NCAM2: variants seen among roughly 807,000 people sequenced by gnomAD.
The protein encoded by NCAM2 is neural cell adhesion molecule 2.
NCAM2 carries 30 observed loss-of-function variants against 98.1 expected under a neutral mutation model. That is an observed-to-expected ratio of 0.31 (90% CI 0.23 to 0.41). NCAM2 has a LOEUF of 0.41. NCAM2 is among the 10% of genes least tolerant of loss of function. The pLI, the probability that NCAM2 is intolerant of heterozygous loss-of-function variation, is 1.00. For missense variants in NCAM2, 867 were observed against 1,005.8 expected (o/e 0.86, Z 1.87); for synonymous variants, 368 against 342.4 (o/e 1.07, Z -0.83).
chr21:21,502,173 A>G (rs1045533684), intron 15 of NCAM2, among the ~76,000 whole-genome samples: 3 of 151,906 alleles, frequency 2.0e-5, no homozygotes, highest in African/African-American at 7.2e-5. Context: ...ACTTTAGACT[A>G]TACTCATGCC....
chr21:21,287,017 G>GAA (rs989821284), intron 4 of NCAM2, among the ~76,000 whole-genome samples: 4 of 151,810 alleles, frequency 2.6e-5, no homozygotes, highest in African/African-American at 9.7e-5. Flanking sequence ...ATAGATAATA[G>GAA]AAAAGTACTT....
At chr21:21,186,709 A>G (rs1256994413) in intron 1 of NCAM2, among the ~76,000 whole-genome samples, 1 of 152,132 alleles carries the variant, frequency 6.6e-6, no homozygotes, top group Admixed American at 6.5e-5. Context: ...ATTTTCTACA[A>G]TTTTTATTCC....
chr21:21,309,909 A>T (rs2073993325), intron 5 of NCAM2, among the ~76,000 whole-genome samples: 1 of 152,210 alleles, frequency 6.6e-6, no homozygotes, highest in South Asian at 2.1e-4. Flanking sequence ...CTTGAAAAAC[A>T]GTTGTTTTAT....
At chr21:21,144,526 T>TA (rs894411607) in intron 1 of NCAM2, among the ~76,000 whole-genome samples, 2 of 152,092 alleles carry the variant, frequency 1.3e-5, no homozygotes. Context: ...ATGGTGATCA[T>TA]AGATCAGAAG....
intron 9 of NCAM2, among the ~76,000 whole-genome samples, chr21:21,393,088 A>G (rs1004379389): frequency 3.9e-5 from 6 of 152,050 alleles, no homozygotes; most frequent in Non-Finnish European, 8.8e-5. Flanking sequence ...GGATTTACAT[A>G]TAAGTCTTTC....
intron 1 of NCAM2, among the ~76,000 whole-genome samples, chr21:21,271,263 A>G (rs2072486820): frequency 6.6e-6 from 1 of 152,168 alleles, no homozygotes; most frequent in Non-Finnish European, 1.5e-5. Context: ...TTTAGCATGT[A>G]TTTTCTTCCA....
At chr21:21,248,294 TTTTC>T (rs1343542758) in intron 1 of NCAM2, among the ~76,000 whole-genome samples, 20 of 152,154 alleles carry the variant, frequency 1.3e-4, no homozygotes, top group Admixed American at 5.9e-4. Flanking sequence ...TCCAATCTAC[TTTTC>T]TTTCTATTTA....
chr21:21,267,622 C>T (rs1440528908), intron 1 of NCAM2, among the ~76,000 whole-genome samples: 1 of 152,054 alleles, frequency 6.6e-6, no homozygotes, highest in East Asian at 1.9e-4. Flanking sequence ...AATCTCCACT[C>T]AGAGGTGTAC....
At chr21:21,455,415 C>T (rs1410144347) in intron 12 of NCAM2, among the ~76,000 whole-genome samples, 1 of 151,224 alleles carries the variant, frequency 6.6e-6, no homozygotes, top group Non-Finnish European at 1.5e-5. Flanking sequence ...GATTTTTTTT[C>T]CTTTTAATTT....
intron 5 of NCAM2, among the ~76,000 whole-genome samples, chr21:21,300,809 T>C (rs528259388): frequency 3.4e-4 from 51 of 152,036 alleles, no homozygotes; most frequent in Non-Finnish European, 5.6e-4. Context: ...TCCCTTTAGA[T>C]TATATAATCC....
chr21:21,434,256 GA>G (rs1217538935), intron 12 of NCAM2, among the ~76,000 whole-genome samples: 1 of 152,182 alleles, frequency 6.6e-6, no homozygotes, highest in Non-Finnish European at 1.5e-5. Context: ...GGTATATTAT[GA>G]AGATACAAAA....
At chr21:21,027,982 A>G (rs905813759) in intron 1 of NCAM2, among the ~76,000 whole-genome samples, 1 of 150,800 alleles carries the variant, frequency 6.6e-6, no homozygotes, top group Non-Finnish European at 1.5e-5. Flanking sequence ...TCAGCCTCCC[A>G]AGTCCTGAGC....
chr21:21,521,085 G>C (rs933800409), intron 16 of NCAM2, among the ~76,000 whole-genome samples: 3 of 152,092 alleles, frequency 2.0e-5, no homozygotes, highest in Non-Finnish European at 2.9e-5. Context: ...CCTAACATGG[G>C]GTTTTTAACA....
At chr21:21,254,560 A>G (rs1027945462) in intron 1 of NCAM2, among the ~76,000 whole-genome samples, 1 of 152,198 alleles carries the variant, frequency 6.6e-6, no homozygotes, top group Non-Finnish European at 1.5e-5. Flanking sequence ...TTATTTTGAA[A>G]AAAGGTGAAC....
intron 1 of NCAM2, among the ~76,000 whole-genome samples, chr21:21,070,890 T>A (rs2065548299): frequency 6.6e-6 from 1 of 152,186 alleles, no homozygotes; most frequent in Admixed American, 6.5e-5. Context: ...AGTTAGATAT[T>A]ACATTTGAAG....
chr21:21,375,108 A>C (rs1373706890), intron 9 of NCAM2, among the ~76,000 whole-genome samples: 1 of 151,564 alleles, frequency 6.6e-6, no homozygotes, highest in Non-Finnish European at 1.5e-5. Context: ...GCACATGTAT[A>C]CATATGTAAC....
chr21:21,026,840 T>C (rs1365820451), intron 1 of NCAM2, among the ~76,000 whole-genome samples: 2 of 151,064 alleles, frequency 1.3e-5, no homozygotes, highest in Non-Finnish European at 1.5e-5. Context: ...GCAAATGTTT[T>C]CTTTTCTTCT....
At chr21:21,042,082 G>A (rs565839716) in intron 1 of NCAM2, among the ~76,000 whole-genome samples, 1 of 152,204 alleles carries the variant, frequency 6.6e-6, no homozygotes, top group Middle Eastern at 3.4e-3. Context: ...CAAAGGCAGG[G>A]ATTATACTAT....
intron 1 of NCAM2, among the ~76,000 whole-genome samples, chr21:21,042,895 G>C (rs533333556): frequency 6.6e-6 from 1 of 152,046 alleles, no homozygotes; most frequent in Non-Finnish European, 1.5e-5. Context: ...CTGTTTGAAA[G>C]CTTTATAAAA....
Sources: gnomAD v4.1 joint callset for allele counts (sites outside exome capture counted in the v4.1 genomes callset) on GRCh38, gnomAD v4.1.1 for gene constraint, MANE v1.5 for transcripts, NCBI Gene and HGNC (gene_info 2026-07-23, HGNC 2026-07-21) for gene names.